Variants in CHM observed in about 807,000 individuals in gnomAD.
CHM encodes rab proteins geranylgeranyltransferase component A 1.
A neutral mutation model predicts 49.0 loss-of-function variants in CHM; 10 were observed. The ratio of observed to expected loss-of-function variants is 0.20; its 90% CI spans 0.13 to 0.35. The LOEUF (loss-of-function observed/expected upper bound fraction) is 0.35. Ranked by LOEUF, CHM falls within the 10% of genes least tolerant of loss-of-function variation. The pLI is 1.00. For missense variants in CHM, 455 were observed against 478.4 expected, an observed-to-expected ratio of 0.95 and a Z score of 0.46; for synonymous variants, 184 against 167.5, an observed-to-expected ratio of 1.10 and a Z score of -0.76.
chrX:85,959,035 CAAT>C (rs751373072), intron 5 of CHM, 58 bp from the exon 6 acceptor site: 1 of 1,159,794 alleles, frequency 8.6e-7, no homozygotes, highest in African/African-American at 1.8e-5. Flanking sequence ...AATTGGAAAA[CAAT>C]AAAGATACAT....
chrX:85,905,000 A>G (rs1366020067), intron 9 of CHM, among the ~76,000 whole-genome samples: 1 of 111,883 alleles, frequency 8.9e-6, no homozygotes, highest in African/African-American at 3.2e-5. Flanking sequence ...TAACACATCT[A>G]TTGCCACCCA....
In CHM at chrX:85,902,624, GC is replaced by G. The variant is rs1926353125; in HGVS notation, c.1245-1437del. Reference sequence around the variant, plus strand: ...CATATTTCATTGAACTAGAGCTCTTGCCTTATAAAATACTTAAGAAAATAGA... The same window carrying G: ...CATATTTCATTGAACTAGAGCTCTTGCTTATAAAATACTTAAGAAAATAGA... On this transcript the variant is annotated intron_variant, in intron 9 of 14. Coordinates refer to ENST00000357749, the MANE Select transcript of CHM (RefSeq NM_000390.4). 5.4e-5 allele frequency among the ~76,000 whole-genome samples: 6 copies of G among 110,656 alleles called. No homozygotes were observed. In the South Asian group the frequency reaches 2.3e-3, roughly 42 times the overall value.
At chrX:86,000,449 G>C (rs1451289809) in intron 2 of CHM, among the ~76,000 whole-genome samples, 1 of 95,644 alleles carries the variant, frequency 1.0e-5, no homozygotes, top group Non-Finnish European at 2.0e-5. Flanking sequence ...AGTATGGAGG[G>C]TCCTCAAAAA....
Position 85,901,125 on chromosome X carries a change from G to A in CHM, c.1308C>T (p.Asp436=). The A allele has an allele frequency of 8.3e-7, 1 of 1,204,169 alleles. No homozygotes were observed. The highest frequency in any genetic ancestry group is 1.1e-6 in the Non-Finnish European group (1 of 890,807). ...AGCACATGTTCTCAGGAAAGTAACT[G>A]TCCTCCACGAGGAAATGCTCAGAGA... The part of the protein sequence containing the change: ...RIISEHFLVE[D]SYFPENMCSR... The change falls in exon 10 of 15, where the codon GAC becomes GAT. Residue 436 remains aspartate, a synonymous_variant. Coordinates refer to ENST00000357749, the MANE Select transcript of CHM (RefSeq NM_000390.4).
At chrX:85,911,151 A>ATATATATG (rs1926933167) in intron 9 of CHM, 110 bp downstream of exon 9, 1 of 1,879 alleles carries the variant, frequency 5.3e-4, no homozygotes, top group Non-Finnish European at 1.1e-3. Flanking sequence ...ATATATATAT[A>ATATATATG]TATATATATA....
intron 2 of CHM, among the ~76,000 whole-genome samples, chrX:86,009,208 G>GA (rs1338004543): frequency 8.9e-6 from 1 of 112,040 alleles, no homozygotes; most frequent in Non-Finnish European, 1.9e-5. Flanking sequence ...ATGTGATGGT[G>GA]AATTGAAAGG....
chrX:85,998,655 T>C (rs1289053633), intron 2 of CHM, among the ~76,000 whole-genome samples: 1 of 111,737 alleles, frequency 8.9e-6, no homozygotes, highest in Non-Finnish European at 1.9e-5. Context: ...CAAGATCACA[T>C]GGCTGCCTGG....
intron 2 of CHM, among the ~76,000 whole-genome samples, chrX:86,008,950 T>A (rs1022555985): frequency 2.7e-5 from 3 of 112,565 alleles, no homozygotes; most frequent in African/African-American, 9.7e-5. Context: ...GTAGCATTCA[T>A]TCTCCATGAA....
intron 4 of CHM, among the ~76,000 whole-genome samples, chrX:85,978,338 G>A (rs1337690960): frequency 1.8e-5 from 2 of 111,255 alleles, no homozygotes; most frequent in Non-Finnish European, 3.8e-5. Context: ...AAGAACACTG[G>A]AGCACTAGGA....
intron 12 of CHM, among the ~76,000 whole-genome samples, chrX:85,882,621 A>G (rs1924832190): frequency 1.8e-5 from 2 of 112,155 alleles, no homozygotes; most frequent in South Asian, 7.3e-4. Context: ...ATACACTTAG[A>G]TTTGTATTGG....
intron 2 of CHM, among the ~76,000 whole-genome samples, chrX:86,014,843 C>T (rs1933223506): frequency 9.0e-6 from 1 of 110,640 alleles, no homozygotes; most frequent in African/African-American, 3.3e-5. Context: ...GAATGAAGAG[C>T]AAGCAAAGAA....
At position 85,864,626 on chromosome X, in the gene CHM, T is replaced by A; in HGVS notation, c.*4A>T. ...AGTTGGGTATCCAGTTTGGTGTATA[T>A]CCATTATTCAGAGGACTCCTCTAGG... On this transcript the variant is annotated 3_prime_UTR_variant, in exon 15 of 15. Transcript: ENST00000357749. 8.3e-7 allele frequency: 1 copy of A among 1,202,979 alleles called. No individual in the cohort carries two copies. Among genetic ancestry groups the A allele is most frequent in the Non-Finnish European group, 1.1e-6 (1 of 888,422 alleles).
chrX:86,039,906 G>C (rs769611179), intron 1 of CHM, among the ~76,000 whole-genome samples: 1 of 111,851 alleles, frequency 8.9e-6, no homozygotes, highest in African/African-American at 3.2e-5. Context: ...TTCAGGGGAA[G>C]ACTACCTTCC....
At chrX:85,956,073 C>G (rs905193693) in intron 8 of CHM, 80 bp downstream of exon 8, 15 of 799,849 alleles carry the variant, frequency 1.9e-5, no homozygotes, top group Non-Finnish European at 2.8e-5. Context: ...TTGAATAAAT[C>G]TCATTTTTGC....
intron 2 of CHM, among the ~76,000 whole-genome samples, chrX:86,012,871 A>C (rs1360022474): frequency 9.0e-6 from 1 of 110,905 alleles, no homozygotes; most frequent in Non-Finnish European, 1.9e-5. Context: ...AGACAGTTTA[A>C]AGCCTGAAAG....
intron 4 of CHM, 92 bp downstream of exon 4, chrX:85,978,675 C>A: frequency 9.5e-6 from 9 of 944,958 alleles, no homozygotes; most frequent in Non-Finnish European, 1.3e-5. Flanking sequence ...CTTGTAGCAA[C>A]CAATGCCACA....
chrX:85,985,672 A>G (rs1931865498), intron 2 of CHM, among the ~76,000 whole-genome samples: 1 of 109,383 alleles, frequency 9.1e-6, no homozygotes, highest in African/African-American at 3.4e-5. Flanking sequence ...GGCTGGCAAC[A>G]AGTCCACATC....
At chrX:86,039,037 G>C (rs1408453150) in intron 1 of CHM, among the ~76,000 whole-genome samples, 1 of 112,227 alleles carries the variant, frequency 8.9e-6, no homozygotes, top group Non-Finnish European at 1.9e-5. Flanking sequence ...TGAGCCTCAG[G>C]CTTCACATTT....
chrX:86,029,308 C>T (rs1265683622), intron 1 of CHM, among the ~76,000 whole-genome samples: 2 of 112,007 alleles, frequency 1.8e-5, no homozygotes, highest in Admixed American at 9.5e-5. Context: ...CTTTTTGCTA[C>T]ACTTAAAGAA....
Sources: allele counts gnomAD v4.1 joint callset (sites outside exome capture counted in the v4.1 genomes callset), GRCh38; gene constraint gnomAD v4.1.1; transcripts MANE v1.5; gene names NCBI Gene and HGNC (gene_info 2026-07-23, HGNC 2026-07-21).